CFAP46: variants seen among roughly 807,000 people sequenced by gnomAD.
The protein encoded by CFAP46 is cilia- and flagella-associated protein 46.
CFAP46 carries 245 observed loss-of-function variants against 325.7 expected under a neutral mutation model. The ratio of observed to expected loss-of-function variants is 0.75; its 90% CI spans 0.68 to 0.84. The LOEUF (loss-of-function observed/expected upper bound fraction) is 0.84, where lower values mean the gene tolerates loss of function less well. Ranked by LOEUF, CFAP46 falls within the 40% of genes least tolerant of loss-of-function variation. CFAP46 has a pLI of 0.00. For missense variants in CFAP46, 3,346 were observed against 3,543.0 expected, an observed-to-expected ratio of 0.94 and a Z score of 1.41; for synonymous variants, 1,523 against 1,495.9, an observed-to-expected ratio of 1.02 and a Z score of -0.42.
At chr10:132,914,832 G>A (rs1433808482) in intron 17 of CFAP46, among the ~76,000 whole-genome samples, 1 of 152,068 alleles carries the variant, frequency 6.6e-6, no homozygotes, top group African/African-American at 2.4e-5. Flanking sequence ...CCGAGGCTGT[G>A]TCCAGCCACA....
chr10:132,868,117 T>A (rs1487013709), intron 33 of CFAP46, among the ~76,000 whole-genome samples: 1 of 152,070 alleles, frequency 6.6e-6, no homozygotes, highest in East Asian at 1.9e-4. Flanking sequence ...CCTCTGACCC[T>A]CTCCCGAGGC....
chr10:132,936,080 G>A lies in CFAP46; in HGVS notation c.755+881C>T, dbSNP rs1266572212. Among the ~76,000 whole-genome samples the A allele has an allele frequency of 1.0e-3, 30 of 28,634 alleles. 1 individual carries two copies. Among genetic ancestry groups the A allele is most frequent in the African/African-American group, 4.7e-3 (23 of 4,938 alleles). The allele number at this position is 28,634 out of a possible 152,430, so 18.8% of individuals were successfully genotyped here. On this transcript the variant is annotated intron_variant, in intron 7 of 57. Transcript: ENST00000368586. ...ACACTGTGATCTCCTCACTCCCCTCGGCATCCAAACACACTGTGATCTCCT... is the reference window on the plus strand; with the variant it reads ...ACACTGTGATCTCCTCACTCCCCTCAGCATCCAAACACACTGTGATCTCCT...
chr10:132,898,556 G>T, intron 24 of CFAP46: 1 of 324,632 alleles, frequency 3.1e-6, no homozygotes, highest in Non-Finnish European at 6.0e-6. Context: ...AGGCACCTGT[G>T]GCCCAGCCCC....
At chr10:132,873,544 CT>C (rs1848923295) in intron 31 of CFAP46, among the ~76,000 whole-genome samples, 1 of 152,038 alleles carries the variant, frequency 6.6e-6, no homozygotes, top group Non-Finnish European at 1.5e-5. Context: ...CCCCATGGTG[CT>C]CCGCATCGTG....
intron 40 of CFAP46, 38 bp downstream of exon 40, chr10:132,851,079 C>T (rs573955323): frequency 1.7e-5 from 28 of 1,609,540 alleles, no homozygotes; most frequent in Non-Finnish European, 2.2e-5. Flanking sequence ...TGTGGCCTGG[C>T]GCTCCCTCCA....
chr10:132,887,124 T>G (rs1301517277), intron 25 of CFAP46, among the ~76,000 whole-genome samples: 1 of 137,384 alleles, frequency 7.3e-6, no homozygotes, highest in Non-Finnish European at 1.6e-5. Flanking sequence ...CCTCTCTCTC[T>G]CCTCTCCTCT....
rs1429619604 is a variant in CFAP46 at position 132,822,830 on chromosome 10, GA to G, written c.7118-7917del. Among the ~76,000 whole-genome samples, 825 of 128,074 alleles carry G rather than the reference GA, an allele frequency of 6.4e-3. 26 individuals carry two copies. The highest frequency in any genetic ancestry group is 0.024 in the African/African-American group (763 of 32,104). 84.0% of individuals were successfully genotyped at this position (128,074 alleles called of 152,430 possible). ...ATGTGTGCTGTGTGCTGTGTGTGCT[GA>G]TGTGTGCTGATGTGTGCACTGTGTG... On this transcript the variant is annotated intron_variant, in intron 50 of 57. Coordinates refer to ENST00000368586, the MANE Select transcript of CFAP46 (RefSeq NM_001200049.3).
intron 22 of CFAP46, among the ~76,000 whole-genome samples, chr10:132,906,595 C>T (rs1166437224): frequency 3.3e-5 from 2 of 59,716 alleles, no homozygotes; most frequent in African/African-American, 6.4e-5. Context: ...GAACGGGGTC[C>T]TGGCGCGTGA....
In CFAP46 at chr10:132,899,033, C is replaced by G. The variant is rs191494286; in HGVS notation, c.3145G>C (p.Val1049Leu). The G allele has an allele frequency of 6.4e-7, 1 of 1,550,508 alleles. No homozygotes were observed. The highest frequency in any genetic ancestry group is 1.2e-5 in the South Asian group (1 of 84,072). ...GCACCCTTGGCCTTCTTCCTGTAGACGGCTGAGGACAGCAGTGGGAGCCAG... is the reference window on the plus strand; with the variant it reads ...GCACCCTTGGCCTTCTTCCTGTAGAGGGCTGAGGACAGCAGTGGGAGCCAG... The part of the protein sequence containing the change: ...NAWLPLLSSA[V>L]YRKKAKGALK... The change falls in exon 24 of 58, where the codon GTC (valine) becomes CTC (leucine). Residue 1049 changes from valine (V) to leucine (L), a missense_variant. By Grantham distance (32) the Val-to-Leu change is conservative (BLOSUM62 1). Coordinates refer to ENST00000368586, the MANE Select transcript of CFAP46 (RefSeq NM_001200049.3).
At chr10:132,888,385 C>A (rs1482949759) in intron 25 of CFAP46, among the ~76,000 whole-genome samples, 2 of 69,960 alleles carry the variant, frequency 2.9e-5, no homozygotes, top group African/African-American at 1.2e-4. Context: ...TCACCCCTGC[C>A]GCCTGCACCC....
chr10:132,835,661 C>G (rs539843230), intron 46 of CFAP46, among the ~76,000 whole-genome samples: 1 of 152,072 alleles, frequency 6.6e-6, no homozygotes, highest in African/African-American at 2.4e-5. Flanking sequence ...GCACACGCCC[C>G]GTCTACACCT....
Position 132,837,063 on chromosome 10 carries a change from G to A in CFAP46, c.6439-149C>T, listed in dbSNP as rs1848263479. On this transcript the variant is annotated intron_variant, in intron 44 of 57. Coordinates refer to ENST00000368586, the MANE Select transcript of CFAP46 (RefSeq NM_001200049.3). ...CCGAGGCTGGGCCCTTGGGGTGGGG[G>A]GCCCTGCTGGAAGTGACTCGGGGCT... is the stretch of plus-strand genomic sequence containing the variant. 2.4e-5 allele frequency: 15 copies of A among 617,276 alleles called. No individual in the cohort carries two copies. In the East Asian group the frequency reaches 4.3e-4, roughly 18 times the overall value. The allele number at this position is 617,276 out of a possible 1,614,324, so 38.2% of individuals were successfully genotyped here.
intron 22 of CFAP46, among the ~76,000 whole-genome samples, chr10:132,904,784 CAG>C (rs1235140891): frequency 6.6e-6 from 1 of 152,190 alleles, no homozygotes; most frequent in Non-Finnish European, 1.5e-5. Context: ...TGTTTGGAGA[CAG>C]AGTCTCGCTG....
chr10:132,850,805 A>G (rs1848527622), intron 40 of CFAP46, among the ~76,000 whole-genome samples: 1 of 152,230 alleles, frequency 6.6e-6, no homozygotes, highest in African/African-American at 2.4e-5. Context: ...GTCCACCTCT[A>G]TTGAGCTCTT....
intron 55 of CFAP46, among the ~76,000 whole-genome samples, chr10:132,811,260 G>C (rs556936541): frequency 6.8e-4 from 104 of 152,324 alleles, no homozygotes; most frequent in African/African-American, 2.4e-3. Flanking sequence ...TCCTCCCGGC[G>C]ACTGTGCCGG....
intron 31 of CFAP46, among the ~76,000 whole-genome samples, chr10:132,874,687 G>A (rs563475460): frequency 7.8e-4 from 55 of 70,178 alleles, no homozygotes; most frequent in African/African-American, 2.7e-3. Flanking sequence ...GAATGAAGGA[G>A]GAAAACATCA....
intron 34 of CFAP46, 65 bp from the exon 35 acceptor site, chr10:132,866,236 C>T: frequency 1.4e-6 from 2 of 1,411,640 alleles, no homozygotes; most frequent in Admixed American, 2.7e-5. Context: ...TCTCACGGGA[C>T]AGGCTCTGGC....
chr10:132,837,058 T>C, intron 44 of CFAP46, 144 bp from the exon 45 acceptor site: 1 of 624,500 alleles, frequency 1.6e-6, no homozygotes, highest in Non-Finnish European at 2.8e-6. Flanking sequence ...GCCCTTGGGG[T>C]GGGGGGCCCT....
In CFAP46 at chr10:132,828,548, A is replaced by AT. The variant is rs1564769545; in HGVS notation, c.7117+4809dup. On this transcript the variant is annotated intron_variant, in intron 50 of 57. Coordinates refer to ENST00000368586, the MANE Select transcript of CFAP46 (RefSeq NM_001200049.3). This position sits in a 1 kb window ranked among gnomAD's most constrained non-coding sequence, Gnocchi z 4.9. ...TTTTTAGGGTTGTTTCTTTCTTATT[A>AT]TTCAGTTTTGAGAGTTCTTTATATA... 6.6e-6 allele frequency among the ~76,000 whole-genome samples: 1 copy of AT among 152,052 alleles called. No individual in the cohort carries two copies. Among genetic ancestry groups the AT allele is most frequent in the Non-Finnish European group, 1.5e-5 (1 of 67,984 alleles).
Sources: gnomAD v4.1 joint callset for allele counts (sites outside exome capture counted in the v4.1 genomes callset) on GRCh38, gnomAD v4.1.1 for gene constraint, Gnocchi (gnomAD v3.1) non-coding constraint, MANE v1.5 for transcripts, NCBI Gene and HGNC (gene_info 2026-07-23, HGNC 2026-07-21) for gene names.